The following SNTG2 variants were observed in gnomAD, a reference collection of about 807,000 sequenced individuals.
SNTG2 encodes the protein syntrophin gamma 2.
In SNTG2, 74 loss-of-function variants were observed where a neutral mutation model predicts 70.9. The observed-to-expected ratio is 1.04, with a 90% CI of 0.86 to 1.27. The LOEUF (loss-of-function observed/expected upper bound fraction) is 1.27, where lower values mean the gene tolerates loss of function less well. Among genes scored for constraint, SNTG2 ranks in the 50% most tolerant of loss-of-function variants. SNTG2 has a pLI of 0.00. For synonymous variants in SNTG2, 278 were observed against 273.8 expected (o/e 1.02, Z -0.15); for missense variants, 717 against 690.7 (o/e 1.04, Z -0.43).
chr2:1,081,260 C>T (rs532615238), intron 1 of SNTG2, among the ~76,000 whole-genome samples: 65 of 152,272 alleles, frequency 4.3e-4, no homozygotes, highest in Middle Eastern at 3.4e-3. Flanking sequence ...TGTCATCAGG[C>T]GCCCGTGTGT....
intron 1 of SNTG2, among the ~76,000 whole-genome samples, chr2:1,034,894 A>T (rs1661048134): frequency 6.6e-6 from 1 of 152,194 alleles, no homozygotes; most frequent in African/African-American, 2.4e-5. Flanking sequence ...ACAACTTTCC[A>T]CCCAACCACA....
chr2:1,083,398 A>T, intron 1 of SNTG2, 120 bp from the exon 2 acceptor site: 5 of 911,572 alleles, frequency 5.5e-6, no homozygotes, highest in Non-Finnish European at 8.7e-6. Context: ...AGATCTGTGC[A>T]CACGCGAGCA....
At chr2:1,004,166 A>C (rs1022974026) in intron 1 of SNTG2, among the ~76,000 whole-genome samples, 1 of 152,220 alleles carries the variant, frequency 6.6e-6, no homozygotes, top group Non-Finnish European at 1.5e-5. Flanking sequence ...AGTGCCTGAC[A>C]TGACTGTCCT....
intron 12 of SNTG2, among the ~76,000 whole-genome samples, chr2:1,252,801 A>G (rs1377718105): frequency 1.3e-5 from 2 of 152,226 alleles, no homozygotes; most frequent in East Asian, 3.8e-4. Context: ...AAAAAGCTGT[A>G]AAAGCATTTG....
At chr2:1,221,443 GTCTCTGTC>G (rs1674815822) in intron 9 of SNTG2, among the ~76,000 whole-genome samples, 1,133 of 91,288 alleles carry the variant, frequency 0.012, 22 homozygotes, top group Non-Finnish European at 0.016. Context: ...CTCTGTCTCT[GTCTCTGTC>G]TCTCTCTGTC....
intron 1 of SNTG2, among the ~76,000 whole-genome samples, chr2:982,388 CA>C (rs1661134045): frequency 6.6e-6 from 1 of 152,180 alleles, no homozygotes; most frequent in African/African-American, 2.4e-5. Flanking sequence ...ATGCTCCCTG[CA>C]CACCCCCTCG....
intron 14 of SNTG2, among the ~76,000 whole-genome samples, chr2:1,271,986 C>T (rs1465862756): frequency 2.0e-5 from 3 of 152,114 alleles, no homozygotes; most frequent in Non-Finnish European, 4.4e-5. Flanking sequence ...AACCAACATC[C>T]ACCCTGGGGA....
At chr2:1,307,155 C>CTGTG (rs60717774) in intron 14 of SNTG2, among the ~76,000 whole-genome samples, 1,653 of 134,484 alleles carry the variant, frequency 0.012, 25 homozygotes, top group African/African-American at 0.04. Context: ...GAGCCATGTG[C>CTGTG]TGTGTGTGTG....
intron 1 of SNTG2, among the ~76,000 whole-genome samples, chr2:1,066,986 TC>T (rs1374934140): frequency 3.3e-5 from 5 of 152,192 alleles, no homozygotes; most frequent in Admixed American, 3.3e-4. Context: ...TGTTAGCTGT[TC>T]CTGGGCCAAA....
At chr2:1,068,554 A>G (rs1459636929) in intron 1 of SNTG2, among the ~76,000 whole-genome samples, 1 of 152,210 alleles carries the variant, frequency 6.6e-6, no homozygotes, top group Non-Finnish European at 1.5e-5. Context: ...AAAATCAGAA[A>G]TACATTAAAA....
At chr2:963,394 A>G (rs999260310) in intron 1 of SNTG2, among the ~76,000 whole-genome samples, 8 of 152,194 alleles carry the variant, frequency 5.3e-5, no homozygotes, top group African/African-American at 1.7e-4. Context: ...TTTATATGAT[A>G]TACAGTTTTC....
At chr2:957,060 A>AT (rs1298143520) in intron 1 of SNTG2, among the ~76,000 whole-genome samples, 1 of 152,162 alleles carries the variant, frequency 6.6e-6, no homozygotes, top group Non-Finnish European at 1.5e-5. Flanking sequence ...TTTTTACATG[A>AT]TTAAGTTTTC....
intron 8 of SNTG2, among the ~76,000 whole-genome samples, chr2:1,204,680 C>G (rs1558527417): frequency 6.6e-6 from 1 of 152,138 alleles, no homozygotes; most frequent in South Asian, 2.1e-4. Flanking sequence ...ACGTTCTTTA[C>G]AGAATAGCGA....
intron 8 of SNTG2, among the ~76,000 whole-genome samples, chr2:1,200,341 A>G (rs1673198257): frequency 2.0e-5 from 3 of 151,988 alleles, no homozygotes; most frequent in South Asian, 4.1e-4. Context: ...CTGGACCCCT[A>G]TTTCTCACCA....
chr2:1,067,621 G>A (rs902561214), intron 1 of SNTG2, among the ~76,000 whole-genome samples: 19 of 152,138 alleles, frequency 1.2e-4, no homozygotes, highest in Non-Finnish European at 2.4e-4. Context: ...AGAGAGCAAG[G>A]GGACCCATGA....
At chr2:963,281 A>C (rs571216941) in intron 1 of SNTG2, among the ~76,000 whole-genome samples, 1 of 152,320 alleles carries the variant, frequency 6.6e-6, no homozygotes, top group African/African-American at 2.4e-5. Context: ...GAATGACCCA[A>C]AAAATTCAAA....
At chr2:1,153,610 T>C (rs923792873) in intron 6 of SNTG2, among the ~76,000 whole-genome samples, 1 of 152,214 alleles carries the variant, frequency 6.6e-6, no homozygotes, top group African/African-American at 2.4e-5. Context: ...TCTAAGTGCA[T>C]AGAGTGACTT....
intron 6 of SNTG2, among the ~76,000 whole-genome samples, chr2:1,164,075 C>T (rs548867450): frequency 4.6e-5 from 7 of 152,170 alleles, no homozygotes; most frequent in South Asian, 2.1e-4. Flanking sequence ...TCAGAGGGAG[C>T]GATGAAGTGG....
intron 14 of SNTG2, among the ~76,000 whole-genome samples, chr2:1,280,487 C>T (rs1272209038): frequency 6.6e-6 from 1 of 152,172 alleles, no homozygotes; most frequent in South Asian, 2.1e-4. Context: ...AACAGTTGCA[C>T]AAATGGCCTG....
Sources: allele counts gnomAD v4.1 joint callset (sites outside exome capture counted in the v4.1 genomes callset), GRCh38; gene constraint gnomAD v4.1.1; transcripts MANE v1.5; gene names NCBI Gene and HGNC (gene_info 2026-07-23, HGNC 2026-07-21).